The following MCTP1 variants were observed in gnomAD, a reference collection of about 807,000 sequenced individuals.
MCTP1 encodes the protein multiple C2 and transmembrane domain-containing protein 1.
In MCTP1, 69 loss-of-function variants were observed where a neutral mutation model predicts 120.6. The ratio of observed to expected loss-of-function variants is 0.57; its 90% CI spans 0.47 to 0.70. MCTP1 has a LOEUF of 0.70. Ranked by LOEUF, MCTP1 falls within the 30% of genes least tolerant of loss-of-function variation. MCTP1 has a pLI of 0.00. For synonymous variants in MCTP1, 529 were observed against 493.1 expected (o/e 1.07, Z -0.96); for missense variants, 1,203 against 1,248.8 (o/e 0.96, Z 0.55).
chr5:94,784,027 C>A (rs1043426543), intron 18 of MCTP1, among the ~76,000 whole-genome samples: 1 of 152,140 alleles, frequency 6.6e-6, no homozygotes, highest in Non-Finnish European at 1.5e-5. Flanking sequence ...AAATGCAACA[C>A]GTTTACACAT....
intron 13 of MCTP1, among the ~76,000 whole-genome samples, chr5:94,872,606 A>G (rs1452579363): frequency 6.6e-6 from 1 of 152,096 alleles, no homozygotes; most frequent in African/African-American, 2.4e-5. Context: ...CAGCTTTTAC[A>G]GTGTATGACT....
intron 20 of MCTP1, 36 bp downstream of exon 20, chr5:94,714,741 A>C (rs1478259108): frequency 2.4e-6 from 3 of 1,238,624 alleles, no homozygotes; most frequent in South Asian, 1.2e-5. Flanking sequence ...ACCTTATCCC[A>C]CAGAAGAATG....
intron 1 of MCTP1, among the ~76,000 whole-genome samples, chr5:95,252,584 T>A (rs764371667): frequency 6.6e-6 from 1 of 152,130 alleles, no homozygotes; most frequent in Non-Finnish European, 1.5e-5. Context: ...AGCCTCCAAT[T>A]TTTAATTTGT....
chr5:95,152,640 A>G (rs1029502873), intron 1 of MCTP1, among the ~76,000 whole-genome samples: 1 of 152,166 alleles, frequency 6.6e-6, no homozygotes, highest in African/African-American at 2.4e-5. Context: ...TCTTTTGGCA[A>G]ATATTCCTTC....
At chr5:95,236,531 CT>C (rs1211998693) in intron 1 of MCTP1, among the ~76,000 whole-genome samples, 1 of 152,142 alleles carries the variant, frequency 6.6e-6, no homozygotes, top group African/African-American at 2.4e-5. Flanking sequence ...TAGCCATATG[CT>C]TATCCCCAGG....
Position 94,888,912 on chromosome 5 carries a change from T to C in MCTP1, c.1900A>G (p.Arg634Gly), listed in dbSNP as rs1801924620. 1.9e-6 allele frequency: 3 copies of C among 1,613,964 alleles called. No individual in the cohort carries two copies. Among genetic ancestry groups the C allele is most frequent in the Non-Finnish European group, 2.5e-6 (3 of 1,179,824 alleles). The change falls in exon 12 of 23, where the codon AGA becomes GGA. Residue 634 changes from arginine (R) to glycine (G), a missense_variant. Arg to Gly is a moderately radical substitution (Grantham distance 125, BLOSUM62 -2). Around this residue, in one of 2 missense-constraint regions of MCTP1, gnomAD observed 740 missense variants for 871.1 expected, o/e 0.85. Transcript: ENST00000515393. Reference sequence around the variant, plus strand: ...TCGGCAGCCATTAACCCTTCCGCTCTGATGACTTTCACCTGGAGAAATCCC... The same window carrying C: ...TCGGCAGCCATTAACCCTTCCGCTCCGATGACTTTCACCTGGAGAAATCCC... The part of the protein sequence containing the change: ...DVGFLQVKVI[R>G]AEGLMAADVT...
At chr5:95,037,374 A>G (rs1841526827) in intron 1 of MCTP1, among the ~76,000 whole-genome samples, 1 of 152,256 alleles carries the variant, frequency 6.6e-6, no homozygotes, top group South Asian at 2.1e-4. Flanking sequence ...GCAAAACTGC[A>G]TACATAATAT....
intron 1 of MCTP1, among the ~76,000 whole-genome samples, chr5:95,214,907 C>T (rs1264683698): frequency 1.3e-5 from 2 of 151,476 alleles, no homozygotes; most frequent in Non-Finnish European, 2.9e-5. Context: ...GGAGATATAC[C>T]TAATGTAAAT....
chr5:95,165,505 C>A (rs926027969), intron 1 of MCTP1, among the ~76,000 whole-genome samples: 3 of 152,130 alleles, frequency 2.0e-5, no homozygotes, highest in South Asian at 2.1e-4. Flanking sequence ...TGAGAATCAA[C>A]AAGTTAATAG....
intron 1 of MCTP1, among the ~76,000 whole-genome samples, chr5:95,251,171 A>G (rs113335307): frequency 6.6e-6 from 1 of 152,076 alleles, no homozygotes; most frequent in Non-Finnish European, 1.5e-5. Context: ...AGAAGCTTCT[A>G]TGAGAAGGGG....
chr5:95,092,079 A>G (rs1027481040), intron 1 of MCTP1, among the ~76,000 whole-genome samples: 1 of 152,246 alleles, frequency 6.6e-6, no homozygotes, highest in African/African-American at 2.4e-5. Context: ...TCACAAAACT[A>G]TCATTTCTGA....
At chr5:94,956,669 A>G (rs1822696967) in intron 2 of MCTP1, among the ~76,000 whole-genome samples, 1 of 152,132 alleles carries the variant, frequency 6.6e-6, no homozygotes, top group South Asian at 2.1e-4. Context: ...AGGATATCAG[A>G]GATTGAAGAT....
chr5:95,199,469 C>CA (rs1183191197), intron 1 of MCTP1, among the ~76,000 whole-genome samples: 1 of 151,990 alleles, frequency 6.6e-6, no homozygotes, highest in South Asian at 2.1e-4. Flanking sequence ...AACAGGTGTA[C>CA]AAAAAAATGC....
At chr5:95,171,577 T>C (rs1747296299) in intron 1 of MCTP1, among the ~76,000 whole-genome samples, 1 of 152,242 alleles carries the variant, frequency 6.6e-6, no homozygotes, top group South Asian at 2.1e-4. Context: ...TCTTTTCGCA[T>C]AGTCCCATAT....
chr5:95,053,245 A>C (rs1270516568), intron 1 of MCTP1, among the ~76,000 whole-genome samples: 1 of 152,222 alleles, frequency 6.6e-6, no homozygotes. Context: ...AAATAAGCAT[A>C]TCTCCACCCC....
chr5:95,215,878 C>T, intron 1 of MCTP1, among the ~76,000 whole-genome samples: 1 of 152,056 alleles, frequency 6.6e-6, no homozygotes, highest in African/African-American at 2.4e-5. Flanking sequence ...GACACTTTGA[C>T]TAACATTAGC....
chr5:94,845,026 G>T (rs186093238), intron 17 of MCTP1, among the ~76,000 whole-genome samples: 1 of 152,010 alleles, frequency 6.6e-6, no homozygotes, highest in African/African-American at 2.4e-5. Context: ...ACTATCAACA[G>T]AATAAACAGA....
intron 1 of MCTP1, among the ~76,000 whole-genome samples, chr5:95,128,038 C>T (rs992756107): frequency 1.3e-5 from 2 of 152,250 alleles, no homozygotes; most frequent in Non-Finnish European, 2.9e-5. Context: ...AACAGGAAAA[C>T]GACTTGCCTA....
At chr5:95,097,764 A>G (rs992070711) in intron 1 of MCTP1, among the ~76,000 whole-genome samples, 4 of 152,170 alleles carry the variant, frequency 2.6e-5, no homozygotes, top group African/African-American at 9.7e-5. Flanking sequence ...TATTTTGGGT[A>G]AAGGTGATCT....
Sources: gnomAD v4.1 joint callset for allele counts (sites outside exome capture counted in the v4.1 genomes callset) on GRCh38, gnomAD v4.1.1 for gene constraint, gnomAD v4.1.1 regional missense constraint, MANE v1.5 for transcripts, NCBI Gene and HGNC (gene_info 2026-07-23, HGNC 2026-07-21) for gene names.